Variants in SHB observed in about 807,000 individuals in gnomAD.
SHB encodes SH2 domain containing adaptor protein B.
A neutral mutation model predicts 52.3 loss-of-function variants in SHB; 20 were observed. The ratio of observed to expected loss-of-function variants is 0.38; its 90% confidence interval spans 0.27 to 0.56. The LOEUF is 0.56. SHB is among the 20% of genes least tolerant of loss of function. The probability of loss-of-function intolerance (pLI) is 0.71; values close to 1 mark genes in which losing one functional copy is unlikely to be tolerated. For synonymous variants in SHB, 397 were observed against 316.5 expected (o/e 1.25, Z -2.70); for missense variants, 825 against 723.3 (o/e 1.14, Z -1.61).
chr9:37,996,605 A>C (rs1047997377), intron 2 of SHB, among the ~76,000 whole-genome samples: 2 of 152,228 alleles, frequency 1.3e-5, no homozygotes, highest in African/African-American at 2.4e-5. Context: ...GGACAGACAC[A>C]GAGTGTCCAC....
intron 1 of SHB, among the ~76,000 whole-genome samples, chr9:38,044,604 A>G (rs74480839): frequency 6.6e-6 from 1 of 152,192 alleles, no homozygotes; most frequent in African/African-American, 2.4e-5. Flanking sequence ...TCCAATGCCC[A>G]CCACCACACC....
chr9:38,008,766 G>C (rs1247585778), intron 2 of SHB, among the ~76,000 whole-genome samples: 1 of 152,226 alleles, frequency 6.6e-6, no homozygotes, highest in African/African-American at 2.4e-5. Context: ...TGAAGCCTGT[G>C]GTGTCTTGGT....
chr9:38,050,499 T>C (rs186459991), intron 1 of SHB, among the ~76,000 whole-genome samples: 9 of 152,280 alleles, frequency 5.9e-5, no homozygotes, highest in East Asian at 5.8e-4. Flanking sequence ...TTTCCCTTTT[T>C]GGGATTTTTT....
At chr9:37,948,903 C>T in intron 4 of SHB, 149 bp from the exon 5 acceptor site, 1 of 1,002,922 alleles carries the variant, frequency 1.0e-6, no homozygotes. Flanking sequence ...TGCCCGCCTG[C>T]TGCTGCCGGG....
At chr9:38,059,511 A>G (rs1821864820) in intron 1 of SHB, among the ~76,000 whole-genome samples, 1 of 152,208 alleles carries the variant, frequency 6.6e-6, no homozygotes, top group African/African-American at 2.4e-5. Context: ...AGGAAAGCTC[A>G]AACTCTCAGG....
At chr9:37,975,857 C>A (rs1587223446) in intron 2 of SHB, among the ~76,000 whole-genome samples, 1 of 151,808 alleles carries the variant, frequency 6.6e-6, no homozygotes, top group South Asian at 2.1e-4. Flanking sequence ...AGTGGCAGGG[C>A]AGGAGGGAAG....
chr9:38,027,386 A>G (rs991324542), intron 1 of SHB, among the ~76,000 whole-genome samples: 4 of 152,314 alleles, frequency 2.6e-5, no homozygotes, highest in Admixed American at 6.5e-5. Flanking sequence ...TGCCTGTCAC[A>G]TTATGCTGGC....
At chr9:37,976,128 C>T (rs186604511) in intron 2 of SHB, among the ~76,000 whole-genome samples, 2 of 152,270 alleles carry the variant, frequency 1.3e-5, no homozygotes, top group East Asian at 3.9e-4. Flanking sequence ...CTCTGGCTCC[C>T]GGGTTTACAC....
chr9:37,946,680 T>C (rs1832494824), intron 5 of SHB, among the ~76,000 whole-genome samples: 1 of 152,178 alleles, frequency 6.6e-6, no homozygotes, highest in Non-Finnish European at 1.5e-5. Context: ...TCCTCTAGGA[T>C]GAACGGCCCG....
intron 2 of SHB, among the ~76,000 whole-genome samples, chr9:38,001,282 G>C (rs1564098706): frequency 6.6e-6 from 1 of 152,204 alleles, no homozygotes. Flanking sequence ...AAGTGAGCCT[G>C]TGTGTTTACA....
intron 1 of SHB, among the ~76,000 whole-genome samples, chr9:38,063,043 AG>A (rs1354401139): frequency 2.0e-5 from 3 of 152,208 alleles, no homozygotes; most frequent in African/African-American, 7.2e-5. Context: ...GTTACTATGA[AG>A]CCTGGGGAAT....
intron 1 of SHB, among the ~76,000 whole-genome samples, chr9:38,031,114 GATAGAGACCATC>G (rs1430227624): frequency 2.6e-5 from 4 of 152,310 alleles, no homozygotes; most frequent in South Asian, 4.1e-4. Flanking sequence ...GAGGTCAGGA[GATAGAGACCATC>G]ATGGCCAACC....
chr9:37,974,791 C>T lies in SHB; in HGVS notation c.885G>A (p.Gln295=), dbSNP rs1254631531. Residue 295 remains glutamine (Q), a synonymous_variant, in exon 3 of 6, where the codon CAG becomes CAA. Transcript: ENST00000377707. ...ESVRSQHKGI[Q]LYDTPYEPEG... ...CAGGTTCGTAAGGGGTGTCATATAACTGGATACCTTTATGCTGGGACCGGA... is the reference window on the plus strand; with the variant it reads ...CAGGTTCGTAAGGGGTGTCATATAATTGGATACCTTTATGCTGGGACCGGA... 6.2e-7 allele frequency: 1 copy of T among 1,614,146 alleles called. No homozygotes were observed. Among genetic ancestry groups the T allele is most frequent in the Non-Finnish European group, 8.5e-7 (1 of 1,179,996 alleles).
chr9:37,919,473 TCAGC>T lies in SHB; in HGVS notation c.*344_*347del. Reference sequence around the variant, plus strand: ...GAGACAGCTGGAGAACAAAGAGATGTCAGCCAGGGAGCTCCCGCCCCACCCTACC... The same window carrying T: ...GAGACAGCTGGAGAACAAAGAGATGTCAGGGAGCTCCCGCCCCACCCTACC... On this transcript the variant is annotated 3_prime_UTR_variant, in exon 6 of 6. Coordinates refer to ENST00000377707, the MANE Select transcript of SHB (RefSeq NM_003028.3). The T allele has an allele frequency of 5.1e-6, 1 of 197,480 alleles. No individual in the cohort carries two copies. 12.2% of individuals were successfully genotyped at this position (197,480 alleles called of 1,614,324 possible).
Position 38,068,475 on chromosome 9 carries a change from C to T in SHB, c.171G>A (p.Pro57=). 2.0e-6 allele frequency: 3 copies of T among 1,510,110 alleles called. No individual in the cohort carries two copies. The South Asian group carries it at 3.7e-5, about 19-fold the overall frequency. 93.5% of individuals were successfully genotyped at this position (1,510,110 alleles called of 1,614,324 possible). The change falls in exon 1 of 6, where the codon CCG becomes CCA. Residue 57 remains proline, a synonymous_variant. Coordinates refer to ENST00000377707, the MANE Select transcript of SHB (RefSeq NM_003028.3). ...AGGCTGAGAAGCAGGAGGCGGTGGC[C>T]GGACCGCAGGACGCCGAGGCGGCGG... ...ASSAASASCG[P]ATASCFSASS...
At chr9:37,966,400 CTTTT>C (rs984115764) in intron 3 of SHB, among the ~76,000 whole-genome samples, 2 of 152,008 alleles carry the variant, frequency 1.3e-5, no homozygotes, top group African/African-American at 4.8e-5. Context: ...TTTTCCTCTC[CTTTT>C]TTTAAGATTA....
intron 1 of SHB, among the ~76,000 whole-genome samples, chr9:38,031,138 T>C (rs775899418): frequency 6.6e-5 from 10 of 152,068 alleles, no homozygotes; most frequent in Admixed American, 2.0e-4. Context: ...TGGCCAACCA[T>C]GGTGAAACCC....
chr9:37,979,650 C>CAAA (rs566684867), intron 2 of SHB, among the ~76,000 whole-genome samples: 2 of 150,452 alleles, frequency 1.3e-5, no homozygotes, highest in East Asian at 3.9e-4. Context: ...ACAACAACAA[C>CAAA]AAAAAAAACA....
intron 2 of SHB, among the ~76,000 whole-genome samples, chr9:37,977,960 CCT>C (rs1254331521): frequency 6.6e-6 from 1 of 152,172 alleles, no homozygotes; most frequent in Non-Finnish European, 1.5e-5. Context: ...CCGTCGGGCC[CCT>C]GATAATCAGG....
Sources: allele counts gnomAD v4.1 joint callset (sites outside exome capture counted in the v4.1 genomes callset), GRCh38; gene constraint gnomAD v4.1.1; transcripts MANE v1.5; gene names NCBI Gene and HGNC (gene_info 2026-07-23, HGNC 2026-07-21).